The following FARP2 variants were observed in gnomAD, a reference collection of about 807,000 sequenced individuals.
The protein encoded by FARP2 is FERM, ARH/RhoGEF and pleckstrin domain protein 2.
A neutral mutation model predicts 130.5 loss-of-function variants in FARP2; 111 were observed. The observed-to-expected ratio is 0.85, with a 90% CI of 0.73 to 1.00. The LOEUF is 1.00. Ranked by LOEUF, FARP2 falls within the 50% of genes least tolerant of loss-of-function variation. The pLI, the probability that FARP2 is intolerant of heterozygous loss-of-function variation, is 0.00. For missense variants in FARP2, 1,385 were observed against 1,346.3 expected (o/e 1.03, Z -0.45); for synonymous variants, 504 against 516.9 (o/e 0.98, Z 0.34).
In FARP2 at chr2:241,402,025, G is replaced by C. The variant is rs540695511; in HGVS notation, c.184-1803G>C. 2.8e-4 allele frequency among the ~76,000 whole-genome samples: 43 copies of C among 152,158 alleles called. No homozygotes were observed. In the South Asian group the frequency reaches 3.9e-3, roughly 14 times the overall value. On this transcript the variant is annotated intron_variant, in intron 2 of 26. Transcript: ENST00000264042. Reference sequence around the variant, plus strand: ...GGCTGGTCTCGAACTCCTGAGCTCAGGTGATCCACCCACCTCAGCCTCCCA... The same window carrying C: ...GGCTGGTCTCGAACTCCTGAGCTCACGTGATCCACCCACCTCAGCCTCCCA...
intron 9 of FARP2, chr2:241,432,201 A>G (rs367967425): frequency 6.5e-6 from 1 of 153,432 alleles, no homozygotes; most frequent in African/African-American, 2.4e-5. Context: ...TACTTTGTAA[A>G]TCATTTCAGC....
chr2:241,485,853 C>T (rs1489104272), intron 21 of FARP2, among the ~76,000 whole-genome samples: 1 of 148,284 alleles, frequency 6.7e-6, no homozygotes, highest in Non-Finnish European at 1.5e-5. Flanking sequence ...TCCCTGGGGT[C>T]CTCCCTCCCT....
intron 1 of FARP2, among the ~76,000 whole-genome samples, chr2:241,370,543 A>G (rs939384576): frequency 2.5e-4 from 38 of 152,208 alleles, no homozygotes; most frequent in African/African-American, 8.9e-4. Context: ...AATTTCTGTC[A>G]ATTAAAAAAT....
chr2:241,466,696 C>CG (rs1471207889), intron 17 of FARP2: 1 of 676,894 alleles, frequency 1.5e-6, no homozygotes, highest in East Asian at 1.4e-4. Context: ...ACCACCCCCC[C>CG]CCCCACCACC....
At chr2:241,484,642 G>A (rs949041006) in intron 21 of FARP2, among the ~76,000 whole-genome samples, 1 of 152,210 alleles carries the variant, frequency 6.6e-6, no homozygotes, top group Non-Finnish European at 1.5e-5. Context: ...CAAGCTTAGA[G>A]TCAGCCTCTG....
chr2:241,439,793 G>A (rs1044850497), intron 12 of FARP2, among the ~76,000 whole-genome samples: 22 of 151,924 alleles, frequency 1.4e-4, no homozygotes, highest in African/African-American at 4.8e-4. Context: ...GAAACCCCAG[G>A]TTTAATAAAA....
At chr2:241,390,399 C>T (rs773234778) in intron 2 of FARP2, among the ~76,000 whole-genome samples, 2 of 152,200 alleles carry the variant, frequency 1.3e-5, no homozygotes, top group Admixed American at 6.5e-5. Context: ...CAGCCCCTCT[C>T]CTAGGTTCCT....
chr2:241,476,450 G>T (rs2124859342), intron 19 of FARP2, among the ~76,000 whole-genome samples: 1 of 152,244 alleles, frequency 6.6e-6, no homozygotes, highest in African/African-American at 2.4e-5. Flanking sequence ...CACTTTGGGA[G>T]GCCAAGGCAG....
intron 2 of FARP2, among the ~76,000 whole-genome samples, chr2:241,396,598 G>A (rs1000483061): frequency 1.3e-5 from 2 of 152,150 alleles, no homozygotes; most frequent in African/African-American, 4.8e-5. Context: ...CATCATCACT[G>A]GCCATCAGAG....
intron 8 of FARP2, among the ~76,000 whole-genome samples, chr2:241,429,979 C>A (rs1028373241): frequency 6.6e-6 from 1 of 152,096 alleles, no homozygotes; most frequent in Non-Finnish European, 1.5e-5. Flanking sequence ...ATATCTTGTA[C>A]CTCATCACAC....
rs893925424 is a variant in FARP2 at position 241,418,085 on chromosome 2, C to A, written c.747C>A (p.Ser249=). Residue 249 remains serine, a synonymous_variant, in exon 8 of 27, where the codon TCC becomes TCA. Transcript: ENST00000264042. ...REGTKIQLAV[S]HMGVLVFQGT... is the part of the protein sequence containing the mutation. ...GAACCAAGATTCAACTGGCAGTTTCCCACATGGGTGTACTCGTGTTCCAGG... is the reference window on the plus strand; with the variant it reads ...GAACCAAGATTCAACTGGCAGTTTCACACATGGGTGTACTCGTGTTCCAGG... The A allele has an allele frequency of 2.5e-5, 40 of 1,614,026 alleles. No homozygotes were observed. Among genetic ancestry groups the A allele is most frequent in the African/African-American group, 4.0e-5 (3 of 74,906 alleles).
At chr2:241,465,045 C>T (rs1267897713) in intron 17 of FARP2, among the ~76,000 whole-genome samples, 2 of 152,170 alleles carry the variant, frequency 1.3e-5, no homozygotes, top group Non-Finnish European at 2.9e-5. Context: ...CCAGAACAGA[C>T]TCCACCTTAA....
chr2:241,422,928 G>A (rs2062847838), intron 8 of FARP2, among the ~76,000 whole-genome samples: 1 of 152,116 alleles, frequency 6.6e-6, no homozygotes, highest in African/African-American at 2.4e-5. Context: ...AGAATGAAAA[G>A]GAATGACAGA....
rs529557609 is a variant in FARP2 at position 241,417,027 on chromosome 2, G to A, written c.624-935G>A. Among the ~76,000 whole-genome samples the A allele has an allele frequency of 3.9e-5, 6 of 152,112 alleles. No individual in the cohort carries two copies. The East Asian group carries it at 5.8e-4, about 15-fold the overall frequency. On this transcript the variant is annotated intron_variant, in intron 7 of 26. Coordinates refer to ENST00000264042, the MANE Select transcript of FARP2 (RefSeq NM_014808.4). The stretch of plus-strand genomic sequence containing the variant: ...TAAGATGAAAAGGAGATGGCCGGGC[G>A]CAGTGGCTCTCGCCTGTAATCCCAG...
chr2:241,437,563 T>G (rs1361744360), intron 12 of FARP2, among the ~76,000 whole-genome samples: 1 of 151,158 alleles, frequency 6.6e-6, no homozygotes, highest in African/African-American at 2.4e-5. Context: ...CTTCCTGGGT[T>G]CAAGTGATTC....
chr2:241,469,643 C>T (rs1355059256), intron 18 of FARP2, among the ~76,000 whole-genome samples: 1 of 152,094 alleles, frequency 6.6e-6, no homozygotes, highest in African/African-American at 2.4e-5. Flanking sequence ...ATGACATAAC[C>T]ACACCATGTT....
At position 241,483,510 on chromosome 2, in the gene FARP2, C is replaced by A. The variant is rs1430448239; in HGVS notation, c.2308C>A (p.Leu770Met). Residue 770 changes from leucine (L) to methionine (M), a missense_variant, in exon 20 of 27, where the codon CTG becomes ATG. By Grantham distance (15) the Leu-to-Met change is conservative (BLOSUM62 2). Transcript: ENST00000264042. Reference sequence around the variant, plus strand: ...CCTTCACAAGCTCACCAAGAAGGGCCTGCAGCAGAGGATGTTTTTTCTGGT... The same window carrying A: ...CCTTCACAAGCTCACCAAGAAGGGCATGCAGCAGAGGATGTTTTTTCTGGT... The part of the protein sequence containing the change: ...GCLHKLTKKG[L>M]QQRMFFLFSD... 1.9e-6 allele frequency: 3 copies of A among 1,614,084 alleles called. No homozygotes were observed. Among genetic ancestry groups the A allele is most frequent in the Non-Finnish European group, 2.5e-6 (3 of 1,179,996 alleles).
chr2:241,391,884 C>T (rs957823775), intron 2 of FARP2, among the ~76,000 whole-genome samples: 3 of 152,046 alleles, frequency 2.0e-5, no homozygotes, highest in African/African-American at 7.2e-5. Context: ...AGAAACTGTA[C>T]CAGTAATTTG....
At chr2:241,417,533 G>T (rs2062706118) in intron 7 of FARP2, among the ~76,000 whole-genome samples, 1 of 152,140 alleles carries the variant, frequency 6.6e-6, no homozygotes, top group African/African-American at 2.4e-5. Flanking sequence ...ATGTTGTCCA[G>T]GCTGGTCTCA....
Sources: allele counts gnomAD v4.1 joint callset (sites outside exome capture counted in the v4.1 genomes callset), GRCh38; gene constraint gnomAD v4.1.1; transcripts MANE v1.5; gene names NCBI Gene and HGNC (gene_info 2026-07-23, HGNC 2026-07-21).